The following MAP1A variants were observed in gnomAD, a reference collection of about 807,000 sequenced individuals.
The protein encoded by MAP1A is microtubule-associated protein 1A.
In MAP1A, 42 loss-of-function variants were observed where a neutral mutation model predicts 185.9. That is an observed-to-expected ratio of 0.23 (90% CI 0.18 to 0.29). The LOEUF (loss-of-function observed/expected upper bound fraction) is 0.29, where lower values mean the gene tolerates loss of function less well. Ranked by LOEUF, MAP1A falls within the 10% of genes least tolerant of loss-of-function variation. MAP1A has a pLI of 1.00. For missense variants in MAP1A, 2,995 were observed against 3,450.4 expected, an observed-to-expected ratio of 0.87 and a Z score of 3.31; for synonymous variants, 1,229 against 1,335.9, an observed-to-expected ratio of 0.92 and a Z score of 1.74.
chr15:43,513,469 TATACAG>T (rs1020998295), upstream of MAP1A, among the ~76,000 whole-genome samples: 26 of 152,380 alleles, frequency 1.7e-4, no homozygotes, highest in African/African-American at 6.3e-4. Flanking sequence ...ATTCATGTCT[TATACAG>T]ATAATTCTCA....
In MAP1A at chr15:43,528,180, C is replaced by G. The variant is rs752867771; in HGVS notation, c.6707C>G (p.Pro2236Arg). 1 of 1,614,138 alleles carries G rather than the reference C, an allele frequency of 6.2e-7. No homozygotes were observed. The highest frequency in any genetic ancestry group is 1.1e-5 in the South Asian group (1 of 91,084). The change falls in exon 4 of 6, where the codon CCC becomes CGC. Residue 2236 changes from proline to arginine, a missense_variant. Coordinates refer to ENST00000300231, the MANE Select transcript of MAP1A (RefSeq NM_002373.6). ...LDSSLPQLPSPSSPGAPLLSN... is the reference protein window; with the variant it reads ...LDSSLPQLPSRSSPGAPLLSN... ...TCCTCACTGCCCCAGCTCCCATCACCCAGTTCTCCTGGGGCCCCTCTCCTC... is the reference window on the plus strand; with the variant it reads ...TCCTCACTGCCCCAGCTCCCATCACGCAGTTCTCCTGGGGCCCCTCTCCTC...
chr15:43,520,975 C>A lies in MAP1A; in HGVS notation c.-288C>A. The stretch of plus-strand genomic sequence containing the variant: ...CACTCCCCTTCTTCCATTCCAGGTT[C>A]ATCATCTTCTTAGCAGCTCATCAGC... On this transcript the variant is annotated 5_prime_UTR_variant, in exon 3 of 6. Coordinates refer to ENST00000300231, the MANE Select transcript of MAP1A (RefSeq NM_002373.6). 3 of 1,549,854 alleles carry A rather than the reference C, an allele frequency of 1.9e-6. No individual in the cohort carries two copies. The highest frequency in any genetic ancestry group is 2.6e-6 in the Non-Finnish European group (3 of 1,146,580).
chr15:43,518,713 C>CT (rs917106761), intron 1 of MAP1A, among the ~76,000 whole-genome samples: 4 of 137,188 alleles, frequency 2.9e-5, no homozygotes, highest in East Asian at 2.3e-4. Flanking sequence ...AGCCCACCCC[C>CT]CCCCGCAACT....
exon 1 of MAP1A, chr15:43,511,111 C>A: frequency 6.5e-7 from 1 of 1,550,356 alleles, no homozygotes; most frequent in Non-Finnish European, 8.7e-7. Flanking sequence ...TGTGCGAGGC[C>A]GGAGCCGCGG....
At position 43,529,515 on chromosome 15, in the gene MAP1A, A is replaced by G. The variant is rs891356799; in HGVS notation, c.8035+7A>G. ...GGACTCAAGGCAGGACCAAGTAAGT[A>G]TATCATGAAACTTGGCAGAGAGTGT... On this transcript the variant is annotated splice_region_variant and intron_variant, in intron 4 of 5. Transcript: ENST00000300231. The surrounding 1 kb of genome is among the most constrained non-coding windows in gnomAD (Gnocchi z 4.3). 8 of 1,601,296 alleles carry G rather than the reference A, an allele frequency of 5.0e-6. No homozygotes were observed. Among genetic ancestry groups the G allele is most frequent in the Non-Finnish European group, 6.8e-6 (8 of 1,171,942 alleles).
rs774800911 is a variant in MAP1A, at chr15:43,527,186, C to G, written c.5713C>G (p.Leu1905Val). Residue 1905 changes from leucine (L) to valine (V), a missense_variant, in exon 4 of 6, where the codon CTG becomes GTG. Around this residue, in one of 3 missense-constraint regions of MAP1A, gnomAD observed 2,728 missense variants for 2,986.0 expected, o/e 0.91. Coordinates refer to ENST00000300231, the MANE Select transcript of MAP1A (RefSeq NM_002373.6). ...AELEGGPYSPLGKDYRKAEGE... is the reference protein window; with the variant it reads ...AELEGGPYSPVGKDYRKAEGE... Reference sequence around the variant, plus strand: ...GTTGGAAGGTGGGCCATACTCCCCCCTGGGGAAGGACTACCGCAAGGCTGA... The same window carrying G: ...GTTGGAAGGTGGGCCATACTCCCCCGTGGGGAAGGACTACCGCAAGGCTGA... 6.2e-7 allele frequency: 1 copy of G among 1,613,990 alleles called. No individual in the cohort carries two copies. Among genetic ancestry groups the G allele is most frequent in the Non-Finnish European group, 8.5e-7 (1 of 1,179,964 alleles).
rs565810335 is a variant in MAP1A, at chr15:43,521,341, C to T, written c.-133C>T. ...TCTTCTAGATTTCCCAATTGCTCAG[C>T]AATAGAGACCCTGGGATACAGGCCT... On this transcript the variant is annotated 5_prime_UTR_variant, in exon 4 of 6. Transcript: ENST00000300231. The surrounding 1 kb of genome is among the most constrained non-coding windows in gnomAD (Gnocchi z 4.6). The T allele has an allele frequency of 9.9e-6, 16 of 1,611,564 alleles. No homozygotes were observed. The highest frequency in any genetic ancestry group is 1.6e-4 in the Middle Eastern group (1 of 6,080).
chr15:43,510,957 A>G (rs2079272247), upstream of MAP1A: 1 of 1,442,116 alleles, frequency 6.9e-7, no homozygotes, highest in Non-Finnish European at 9.4e-7. Context: ...CTGCAGCGGA[A>G]GCTGCCGGAC....
intron 1 of MAP1A, chr15:43,511,325 A>G (rs1460942836): frequency 6.6e-6 from 6 of 912,002 alleles, no homozygotes; most frequent in African/African-American, 3.3e-5. Context: ...CTCCATCCCT[A>G]GTGTGCACTT....
chr15:43,525,518 T>C lies in MAP1A; in HGVS notation c.4045T>C (p.Leu1349=), dbSNP rs768823239. ...AIKWEDKVPG[L]KDRTSEQKKE... ...AAAGTGGGAAGATAAAGTTCCAGGG[T>C]TGAAAGACAGAACCTCAGAACAGAA... Residue 1349 remains leucine, a synonymous_variant, in exon 4 of 6, where the codon TTG becomes CTG. Transcript: ENST00000300231. 1 of 1,613,924 alleles carries C rather than the reference T, an allele frequency of 6.2e-7. No homozygotes were observed. The highest frequency in any genetic ancestry group is 8.5e-7 in the Non-Finnish European group (1 of 1,180,000).
Position 43,523,603 on chromosome 15 carries a change from C to A in MAP1A, c.2130C>A (p.Ala710=). 6.2e-7 allele frequency: 1 copy of A among 1,614,074 alleles called. No individual in the cohort carries two copies. The highest frequency in any genetic ancestry group is 8.5e-7 in the Non-Finnish European group (1 of 1,179,996). ...GGRELGLQGK[A]PEKETSLFLS... ...GGGAATTGGGACTCCAGGGCAAGGC[C>A]CCTGAGAAGGAGACCTCGTTATTCC... is the stretch of plus-strand genomic sequence containing the variant. Residue 710 remains alanine, a synonymous_variant, in exon 4 of 6, where the codon GCC becomes GCA. Coordinates refer to ENST00000300231, the MANE Select transcript of MAP1A (RefSeq NM_002373.6).
rs751172387 is a variant in MAP1A, at chr15:43,523,310, G to A, written c.1837G>A (p.Gly613Arg). ...CAGCAAGGACAGAGGCCTAGACTCT[G>A]GGGCTGAAACAGAGGAAGAGAAAGA... ...QGSKDRGLDSGAETEEEKDTW... is the reference protein window; with the variant it reads ...QGSKDRGLDSRAETEEEKDTW... Residue 613 changes from glycine to arginine, a missense_variant, in exon 4 of 6, where the codon GGG (glycine) becomes AGG (arginine). Transcript: ENST00000300231. 1.1e-5 allele frequency: 18 copies of A among 1,611,910 alleles called. No homozygotes were observed. Among genetic ancestry groups the A allele is most frequent in the Non-Finnish European group, 1.2e-5 (14 of 1,178,914 alleles).
rs1266761101 is a variant in MAP1A, at chr15:43,525,235, T to C, written c.3762T>C (p.Ser1254=). The C allele has an allele frequency of 3.1e-6, 5 of 1,614,162 alleles. No individual in the cohort carries two copies. Among genetic ancestry groups the C allele is most frequent in the Non-Finnish European group, 4.2e-6 (5 of 1,180,016 alleles). ...EDTSHHTAPM[S]VPEPHAATAS... ...CCTCTCACCACACAGCTCCCATGTC[T>C]GTTCCAGAGCCCCATGCAGCCACAG... Residue 1254 remains serine (S), a synonymous_variant, in exon 4 of 6, where the codon TCT becomes TCC. Coordinates refer to ENST00000300231, the MANE Select transcript of MAP1A (RefSeq NM_002373.6).
rs772697532 is a variant in MAP1A, at chr15:43,525,946, C to A, written c.4473C>A (p.Ile1491=). The A allele has an allele frequency of 5.0e-6, 8 of 1,613,754 alleles. No homozygotes were observed. Among genetic ancestry groups the A allele is most frequent in the Non-Finnish European group, 6.8e-6 (8 of 1,179,864 alleles). ...KDRVLEQKEK[I]PEEKDKALDQ... ...GGGTCCTAGAACAGAAGGAGAAGAT[C>A]CCAGAAGAGAAAGACAAAGCCTTAG... is the stretch of plus-strand genomic sequence containing the variant. Residue 1491 remains isoleucine (I), a synonymous_variant, in exon 4 of 6, where the codon ATC becomes ATA. Transcript: ENST00000300231.
Position 43,529,752 on chromosome 15 carries a change from G to C in MAP1A, c.8138G>C (p.Arg2713Pro), listed in dbSNP as rs761561997. ...SGKTADLDFF[R>P]RVRASYYVVS... ...AAGACTGCTGACCTTGACTTCTTCC[G>C]TCGAGTGCGTGCATCCTACTATGTG... Residue 2713 changes from arginine (R) to proline (P), a missense_variant, in exon 5 of 6, where the codon CGT becomes CCT. Around this residue, in one of 3 missense-constraint regions of MAP1A, gnomAD observed 2,728 missense variants for 2,986.0 expected, o/e 0.91. Coordinates refer to ENST00000300231, the MANE Select transcript of MAP1A (RefSeq NM_002373.6). The surrounding 1 kb of genome is among the most constrained non-coding windows in gnomAD (Gnocchi z 4.3). 19 of 1,614,014 alleles carry C rather than the reference G, an allele frequency of 1.2e-5. No individual in the cohort carries two copies. Among genetic ancestry groups the C allele is most frequent in the Non-Finnish European group, 1.6e-5 (19 of 1,180,046 alleles).
In MAP1A at chr15:43,521,413, A is replaced by T. The variant is rs781060531; in HGVS notation, c.-61A>T. On this transcript the variant is annotated 5_prime_UTR_variant, in exon 4 of 6. Transcript: ENST00000300231. The surrounding 1 kb of genome is among the most constrained non-coding windows in gnomAD (Gnocchi z 4.6). ...GGGAAGGTGATTGGAGCCACCTGGG[A>T]TTATCCAGTTCCCAAGAGACCCTGC... 6.2e-7 allele frequency: 1 copy of T among 1,613,900 alleles called. No homozygotes were observed. Among genetic ancestry groups the T allele is most frequent in the Admixed American group, 1.7e-5 (1 of 60,000 alleles).
chr15:43,522,018 A>G lies in MAP1A; in HGVS notation c.545A>G (p.Asn182Ser), dbSNP rs1202510996. The stretch of plus-strand genomic sequence containing the variant: ...GAGCCTCTATATCGTGTGGTCAGCA[A>G]TACCATTGAGCCACTGACCCTCTTC... ...QAEPLYRVVS[N>S]TIEPLTLFHK... The change falls in exon 4 of 6, where the codon AAT (asparagine) becomes AGT (serine). Residue 182 changes from asparagine (N) to serine (S), a missense_variant. Around this residue, in one of 3 missense-constraint regions of MAP1A, gnomAD observed 264 missense variants for 435.3 expected, o/e 0.61. Transcript: ENST00000300231. This position sits in a 1 kb window ranked among gnomAD's most constrained non-coding sequence, Gnocchi z 5.9. The G allele has an allele frequency of 6.2e-7, 1 of 1,614,216 alleles. No homozygotes were observed. Among genetic ancestry groups the G allele is most frequent in the South Asian group, 1.1e-5 (1 of 91,086 alleles).
At position 43,530,264 on chromosome 15, in the gene MAP1A, C is replaced by A. The variant is rs1281869175; in HGVS notation, c.*40C>A. On this transcript the variant is annotated 3_prime_UTR_variant, in exon 6 of 6. Coordinates refer to ENST00000300231, the MANE Select transcript of MAP1A (RefSeq NM_002373.6). ...CTTCCCCAAGGATCCACTCCCCCAG[C>A]TCCTTTAGAGAATGGCTACTGCTGA... 1.9e-6 allele frequency: 3 copies of A among 1,609,782 alleles called. No homozygotes were observed. The highest frequency in any genetic ancestry group is 2.5e-6 in the Non-Finnish European group (3 of 1,177,804).
At position 43,528,583 on chromosome 15, in the gene MAP1A, A is replaced by C; in HGVS notation, c.7110A>C (p.Pro2370=). The stretch of plus-strand genomic sequence containing the variant: ...CAACTGAAACCAGCCCTAACCCCCC[A>C]GGCCCTGCCCCAGCCAAGGCTGAAA... The part of the protein sequence containing the change: ...NGPTETSPNP[P]GPAPAKAENE... The change falls in exon 4 of 6, where the codon CCA becomes CCC. Residue 2370 remains proline (P), a synonymous_variant. Coordinates refer to ENST00000300231, the MANE Select transcript of MAP1A (RefSeq NM_002373.6). 1 of 1,613,830 alleles carries C rather than the reference A, an allele frequency of 6.2e-7. No homozygotes were observed. Among genetic ancestry groups the C allele is most frequent in the Middle Eastern group, 1.6e-4 (1 of 6,062 alleles).
Sources: allele counts gnomAD v4.1 joint callset (sites outside exome capture counted in the v4.1 genomes callset), GRCh38; gene constraint gnomAD v4.1.1; regional missense constraint gnomAD v4.1.1; non-coding constraint Gnocchi (gnomAD v3.1); transcripts MANE v1.5; gene names NCBI Gene and HGNC (gene_info 2026-07-23, HGNC 2026-07-21).